Variants in LPP observed in about 807,000 individuals in gnomAD.
The protein encoded by LPP is LIM domain containing preferred translocation partner in lipoma.
In LPP, 38 loss-of-function variants were observed where a neutral mutation model predicts 60.4. The ratio of observed to expected loss-of-function variants is 0.63; its 90% CI spans 0.49 to 0.83. The LOEUF (loss-of-function observed/expected upper bound fraction) is 0.83, where lower values mean the gene tolerates loss of function less well. LPP is among the 40% of genes least tolerant of loss of function. The pLI, the probability that LPP is intolerant of heterozygous loss-of-function variation, is 0.00. For missense variants in LPP, 902 were observed against 783.6 expected (o/e 1.15, Z -1.80); for synonymous variants, 328 against 290.8 (o/e 1.13, Z -1.30).
intron 7 of LPP, among the ~76,000 whole-genome samples, chr3:188,637,618 A>C (rs1398926125): frequency 6.6e-6 from 1 of 151,878 alleles, no homozygotes; most frequent in Non-Finnish European, 1.5e-5. Context: ...GACCGCTAGC[A>C]AGACTAATAA....
chr3:188,776,377 A>G (rs1017803034), intron 9 of LPP, among the ~76,000 whole-genome samples: 13 of 152,212 alleles, frequency 8.5e-5, no homozygotes, highest in Admixed American at 5.9e-4. Context: ...GAATTCCATT[A>G]TAGCTTCTAG....
chr3:188,580,711 A>G (rs1278415574), intron 6 of LPP, among the ~76,000 whole-genome samples: 1 of 152,186 alleles, frequency 6.6e-6, no homozygotes, highest in Non-Finnish European at 1.5e-5. Flanking sequence ...AGCCTATATG[A>G]TGGATGATGG....
intron 6 of LPP, among the ~76,000 whole-genome samples, chr3:188,545,432 A>T (rs188840998): frequency 6.7e-4 from 102 of 152,144 alleles, no homozygotes; most frequent in African/African-American, 2.4e-3. Context: ...CTCCATCTGT[A>T]TCTGTATCAG....
intron 9 of LPP, among the ~76,000 whole-genome samples, chr3:188,795,785 A>G (rs3846184): frequency 0.29 from 44,104 of 152,048 alleles, 6,946 homozygotes; most frequent in Non-Finnish European, 0.35. Context: ...TTGTGGTTAT[A>G]TATTAACAGA....
chr3:188,521,233 A>G (rs7630910), intron 5 of LPP, among the ~76,000 whole-genome samples: 92,021 of 152,004 alleles, frequency 0.61, 29,160 homozygotes, highest in Middle Eastern at 0.8. Flanking sequence ...ATCACACAGC[A>G]TTAGACTGGA....
At chr3:188,597,257 G>A (rs1840172929) in intron 6 of LPP, among the ~76,000 whole-genome samples, 1 of 152,128 alleles carries the variant, frequency 6.6e-6, no homozygotes, top group African/African-American at 2.4e-5. Flanking sequence ...TTTCAGTTAT[G>A]CACAGATAAA....
At chr3:188,562,512 A>G (rs1286481770) in intron 6 of LPP, 1 of 152,044 alleles carries the variant, frequency 6.6e-6, no homozygotes, top group African/African-American at 2.4e-5. Context: ...ATGAGCTACC[A>G]ATAACAAAAT....
chr3:188,357,285 C>T (rs1050113336), intron 3 of LPP, among the ~76,000 whole-genome samples: 13 of 152,212 alleles, frequency 8.5e-5, no homozygotes, highest in African/African-American at 2.6e-4. Context: ...AGAAGGTGAA[C>T]GGCTATTTCA....
intron 6 of LPP, among the ~76,000 whole-genome samples, chr3:188,590,747 T>A (rs934128806): frequency 7.2e-5 from 11 of 152,130 alleles, no homozygotes; most frequent in African/African-American, 2.7e-4. Flanking sequence ...ACCTCCCAGA[T>A]TTAACCCAGG....
intron 4 of LPP, among the ~76,000 whole-genome samples, chr3:188,441,914 C>T (rs1049862369): frequency 7.2e-5 from 11 of 151,948 alleles, no homozygotes; most frequent in African/African-American, 1.7e-4. Flanking sequence ...TGAGCCACCG[C>T]GCCCGGCCGC....
At chr3:188,694,728 A>T (rs184913063) in intron 7 of LPP, among the ~76,000 whole-genome samples, 1 of 152,088 alleles carries the variant, frequency 6.6e-6, no homozygotes, top group Admixed American at 6.5e-5. Context: ...AAACTAAAAA[A>T]CAACCATGTC....
chr3:188,545,270 T>C (rs1826299580), intron 6 of LPP, among the ~76,000 whole-genome samples: 1 of 144,874 alleles, frequency 6.9e-6, no homozygotes, highest in Non-Finnish European at 1.5e-5. Context: ...AAAAAAACAT[T>C]AAAAAAAAAA....
intron 5 of LPP, among the ~76,000 whole-genome samples, chr3:188,511,065 T>G (rs1369679760): frequency 3.7e-5 from 5 of 135,072 alleles, no homozygotes; most frequent in African/African-American, 1.4e-4. Flanking sequence ...CTCCCTCCTT[T>G]CCTTTCTTTC....
intron 9 of LPP, among the ~76,000 whole-genome samples, chr3:188,849,425 C>T (rs994740403): frequency 2.0e-5 from 3 of 152,160 alleles, no homozygotes; most frequent in African/African-American, 4.8e-5. Flanking sequence ...TTCCTAACTC[C>T]TAGTAGAATG....
At chr3:188,225,679 T>C (rs1717475817) in intron 2 of LPP, among the ~76,000 whole-genome samples, 152 bp downstream of exon 2, 1 of 152,218 alleles carries the variant, frequency 6.6e-6, no homozygotes, top group South Asian at 2.1e-4. Flanking sequence ...TGCCCTTCCT[T>C]CTTTCTTGAG....
intron 3 of LPP, among the ~76,000 whole-genome samples, chr3:188,347,861 G>A (rs1165327208): frequency 2.0e-5 from 3 of 152,200 alleles, no homozygotes; most frequent in Admixed American, 6.5e-5. Flanking sequence ...CAGAAATGGA[G>A]GTGGTTAGAA....
intron 9 of LPP, among the ~76,000 whole-genome samples, chr3:188,854,363 C>G (rs1359949519): frequency 1.3e-5 from 2 of 152,182 alleles, no homozygotes; most frequent in Non-Finnish European, 2.9e-5. Flanking sequence ...CACCAGCTTC[C>G]TTTTGAGCTC....
intron 2 of LPP, among the ~76,000 whole-genome samples, chr3:188,330,057 C>T: frequency 6.6e-6 from 1 of 152,160 alleles, no homozygotes. Context: ...CTCCCTGTCT[C>T]CTCCCCTTTC....
At chr3:188,864,748 C>G (rs1485438394) in intron 9 of LPP, among the ~76,000 whole-genome samples, 1 of 152,158 alleles carries the variant, frequency 6.6e-6, no homozygotes, top group African/African-American at 2.4e-5. Context: ...GTTATGAGAA[C>G]CATAAAGGGG....
Sources: gnomAD v4.1 joint callset for allele counts (sites outside exome capture counted in the v4.1 genomes callset) on GRCh38, gnomAD v4.1.1 for gene constraint, MANE v1.5 for transcripts, NCBI Gene and HGNC (gene_info 2026-07-23, HGNC 2026-07-21) for gene names.